P2RY12: variants seen among roughly 807,000 people sequenced by gnomAD.
P2RY12 encodes P2Y purinoceptor 12.
P2RY12 carries 3 observed loss-of-function variants against 4.5 expected under a neutral mutation model. That is an observed-to-expected ratio of 0.67 (90% confidence interval 0.31 to 1.74). The LOEUF is 1.74. P2RY12 is among the 40% of genes most tolerant of loss of function. The pLI is 0.09. For synonymous variants in P2RY12, 148 were observed against 154.1 expected, an observed-to-expected ratio of 0.96 and a Z score of 0.29; for missense variants, 356 against 407.8, an observed-to-expected ratio of 0.87 and a Z score of 1.09.
chr3:151,370,649 A>G (rs1230229856), intron 1 of P2RY12, among the ~76,000 whole-genome samples: 5 of 152,190 alleles, frequency 3.3e-5, no homozygotes, highest in Non-Finnish European at 5.9e-5. Context: ...CTGTGATCAT[A>G]TTTGAAGGGA....
intron 1 of P2RY12, among the ~76,000 whole-genome samples, chr3:151,343,990 A>T (rs1469527285): frequency 1.3e-5 from 2 of 152,174 alleles, no homozygotes; most frequent in Non-Finnish European, 2.9e-5. Context: ...AGCAGTGCAT[A>T]GTCATGTCTG....
In P2RY12 at chr3:151,379,942, A is replaced by G. The variant is rs531256067; in HGVS notation, c.-180+4750T>C. On this transcript the variant is annotated intron_variant, in intron 1 of 2. Coordinates refer to ENST00000302632, the MANE Select transcript of P2RY12 (RefSeq NM_022788.5). ...GCATACGAAGTGATTTAGAAGCATT[A>G]CAGTGGCTTTTAATTTTATAAGTAG... 1.9e-4 allele frequency among the ~76,000 whole-genome samples: 29 copies of G among 152,320 alleles called. No homozygotes were observed. The South Asian group carries it at 3.7e-3, about 20-fold the overall frequency.
intron 1 of P2RY12, chr3:151,382,536 G>T: frequency 1.8e-6 from 1 of 565,250 alleles, no homozygotes; most frequent in Non-Finnish European, 3.0e-6. Flanking sequence ...ATTTTATTTA[G>T]CTTTGTTTGT....
chr3:151,378,256 T>C, intron 1 of P2RY12: 2 of 1,333,796 alleles, frequency 1.5e-6, no homozygotes, highest in South Asian at 1.7e-5. Context: ...GTGTGGTCAC[T>C]GTACCCACAG....
chr3:151,350,341 AAC>A, intron 1 of P2RY12: 8 of 701,022 alleles, frequency 1.1e-5, no homozygotes, highest in Non-Finnish European at 1.7e-5. Flanking sequence ...TTGAAATGTG[AAC>A]AAGCACATTT....
In P2RY12 at chr3:151,366,676, CCTGCCTCT is replaced by C. The variant is rs1195933163; in HGVS notation, c.-180+18008_-180+18015del. Among the ~76,000 whole-genome samples, 4 of 152,236 alleles carry C rather than the reference CCTGCCTCT, an allele frequency of 2.6e-5. No homozygotes were observed. In the East Asian group the frequency reaches 7.7e-4, roughly 29 times the overall value. On this transcript the variant is annotated intron_variant, in intron 1 of 2. Transcript: ENST00000302632. ...GCATAGTTCTTTATACATCTTTACA[CCTGCCTCT>C]CAGTTGAAGGTTGACTTCTGAATTC... is the stretch of plus-strand genomic sequence containing the variant.
intron 1 of P2RY12, chr3:151,369,473 A>G (rs1286890825): frequency 1.2e-6 from 2 of 1,610,932 alleles, no homozygotes; most frequent in Non-Finnish European, 1.7e-6. Flanking sequence ...CTTGTGATAG[A>G]CACCTCTTAG....
chr3:151,379,767 G>A (rs59719955), intron 1 of P2RY12, among the ~76,000 whole-genome samples: 7,613 of 152,208 alleles, frequency 0.05, 647 homozygotes, highest in African/African-American at 0.17. Context: ...TTTATCCTGT[G>A]TATAAATTGA....
chr3:151,364,954 T>C lies in P2RY12; in HGVS notation c.-180+19738A>G, dbSNP rs370265513. On this transcript the variant is annotated intron_variant, in intron 1 of 2. Coordinates refer to ENST00000302632, the MANE Select transcript of P2RY12 (RefSeq NM_022788.5). ...GTTATTCTAGTTTTATTTTTCTGTT[T>C]TAACTTTTTTTCTTATAACCTCAGT... is the stretch of plus-strand genomic sequence containing the variant. The C allele has an allele frequency of 2.5e-5, 38 of 1,535,230 alleles. No homozygotes were observed. The African/African-American group carries it at 4.9e-4, about 20-fold the overall frequency.
At chr3:151,347,581 C>T (rs1013363898) in intron 1 of P2RY12, among the ~76,000 whole-genome samples, 1 of 152,034 alleles carries the variant, frequency 6.6e-6, no homozygotes, top group Non-Finnish European at 1.5e-5. Context: ...CAAGTGAAAT[C>T]GTGGCTATGA....
chr3:151,363,151 CA>C (rs1047576595), intron 1 of P2RY12, among the ~76,000 whole-genome samples: 1 of 151,992 alleles, frequency 6.6e-6, no homozygotes, highest in African/African-American at 2.4e-5. Flanking sequence ...AGTAATTACT[CA>C]GGGGTCAGCA....
chr3:151,373,683 C>T (rs994638515), intron 1 of P2RY12, among the ~76,000 whole-genome samples: 3 of 151,942 alleles, frequency 2.0e-5, no homozygotes, highest in Admixed American at 2.0e-4. Flanking sequence ...ATATACTGTA[C>T]TTAGTTATTT....
intron 1 of P2RY12, among the ~76,000 whole-genome samples, chr3:151,342,858 A>T (rs1325159573): frequency 6.6e-6 from 1 of 152,148 alleles, no homozygotes. Context: ...TCAATATTTA[A>T]TTTCTTACAC....
At chr3:151,377,452 A>G (rs776324671) in intron 1 of P2RY12, among the ~76,000 whole-genome samples, 1 of 152,206 alleles carries the variant, frequency 6.6e-6, no homozygotes, top group Non-Finnish European at 1.5e-5. Context: ...GTTACGTAGT[A>G]TTCATTATAT....
At chr3:151,381,189 T>C (rs1404374035) in intron 1 of P2RY12, among the ~76,000 whole-genome samples, 1 of 152,202 alleles carries the variant, frequency 6.6e-6, no homozygotes, top group Non-Finnish European at 1.5e-5. Flanking sequence ...TGACCCCTTC[T>C]TGTGGCACTG....
At chr3:151,344,757 AGT>A (rs979840366) in intron 1 of P2RY12, among the ~76,000 whole-genome samples, 2 of 152,210 alleles carry the variant, frequency 1.3e-5, no homozygotes, top group Non-Finnish European at 2.9e-5. Context: ...GCGCATTCTG[AGT>A]GAGATCTTTT....
chr3:151,355,883 T>C, intron 1 of P2RY12: 1 of 1,596,874 alleles, frequency 6.3e-7, no homozygotes, highest in Non-Finnish European at 8.5e-7. Context: ...TATTTTTGTT[T>C]TTATTTGCAC....
In P2RY12 at chr3:151,338,609, G is replaced by A. The variant is rs1751367162; in HGVS notation, c.237C>T (p.Phe79=). The A allele has an allele frequency of 1.2e-6, 2 of 1,613,926 alleles. No homozygotes were observed. Among genetic ancestry groups the A allele is most frequent in the Non-Finnish European group, 1.7e-6 (2 of 1,179,968 alleles). Residue 79 remains phenylalanine, a synonymous_variant, in exon 3 of 3, where the codon TTC becomes TTT. Coordinates refer to ENST00000302632, the MANE Select transcript of P2RY12 (RefSeq NM_022788.5). ...SDLLMILTFP[F]KILSDAKLGT... ...CCAGTTTGGCATCACTAAGAATTTT[G>A]AATGGAAAAGTCAGAATCATGAGAA...
At chr3:151,368,151 T>A (rs1447590515) in intron 1 of P2RY12, 1 of 1,613,638 alleles carries the variant, frequency 6.2e-7, no homozygotes, top group East Asian at 2.2e-5. Context: ...CTTTCCTAGC[T>A]TGTGGGGATG....
Sources: allele counts gnomAD v4.1 joint callset (sites outside exome capture counted in the v4.1 genomes callset), GRCh38; gene constraint gnomAD v4.1.1; transcripts MANE v1.5; gene names NCBI Gene and HGNC (gene_info 2026-07-23, HGNC 2026-07-21).